Variants in FBXO11 observed in about 807,000 individuals in gnomAD.
FBXO11 encodes F-box protein 11.
Under a neutral mutation model 117.0 loss-of-function variants are expected in FBXO11, and 13 were observed. The ratio of observed to expected loss-of-function variants is 0.11; its 90% CI spans 0.07 to 0.18. The LOEUF is 0.18. FBXO11 is among the 10% of genes least tolerant of loss of function. The pLI is 1.00. For missense variants in FBXO11, 767 were observed against 1,164.4 expected (o/e 0.66, Z 4.97); for synonymous variants, 490 against 380.5 (o/e 1.29, Z -3.35).
chr2:47,837,372 C>G (rs1374868836), intron 4 of FBXO11, among the ~76,000 whole-genome samples: 1 of 152,002 alleles, frequency 6.6e-6, no homozygotes, highest in Non-Finnish European at 1.5e-5. Context: ...ACTAAAAATA[C>G]AAAAAATAGC....
In FBXO11 at chr2:47,807,664, T is replaced by TG. The variant is rs1670317085; in HGVS notation, c.*453dup. On this transcript the variant is annotated 3_prime_UTR_variant, in exon 23 of 23. Coordinates refer to ENST00000403359, the MANE Select transcript of FBXO11 (RefSeq NM_001190274.2). ...AATCATATTTCTCAATCTGAATACA[T>TG]GTTAAAAAAAAAAAATCAAAAGGAA... is the stretch of plus-strand genomic sequence containing the variant. 6.2e-6 allele frequency: 1 copy of TG among 160,550 alleles called. No individual in the cohort carries two copies. The highest frequency in any genetic ancestry group is 2.7e-4 in the South Asian group (1 of 3,722). 9.9% of individuals were successfully genotyped at this position (160,550 alleles called of 1,614,324 possible).
At chr2:47,823,382 T>G (rs1172249384) in intron 11 of FBXO11, 22 bp from the exon 12 acceptor site, 1 of 1,538,292 alleles carries the variant, frequency 6.5e-7, no homozygotes, top group Admixed American at 1.9e-5. Flanking sequence ...AGAAATTAAA[T>G]CTGTAGGTAA....
chr2:47,829,823 G>A (rs1378216551), intron 11 of FBXO11, among the ~76,000 whole-genome samples: 4 of 152,144 alleles, frequency 2.6e-5, no homozygotes, highest in African/African-American at 9.7e-5. Context: ...TAAAACGTAT[G>A]AGGTATACAT....
chr2:47,814,083 T>C (rs1289706690), intron 16 of FBXO11: 1 of 456,498 alleles, frequency 2.2e-6, no homozygotes, highest in Admixed American at 3.8e-5. Flanking sequence ...ATTGTAGAGT[T>C]TCCTAACATG....
intron 1 of FBXO11, chr2:47,888,636 G>C (rs1412524332): frequency 1.0e-6 from 1 of 976,774 alleles, no homozygotes; most frequent in Non-Finnish European, 1.2e-6. Context: ...TTTTAGGCTT[G>C]TTCTTCTTTG....
At chr2:47,860,534 C>T (rs1224181660) in intron 1 of FBXO11, among the ~76,000 whole-genome samples, 6 of 151,462 alleles carry the variant, frequency 4.0e-5, no homozygotes, top group Non-Finnish European at 8.8e-5. Context: ...CCTTAGCATC[C>T]CAAGTAGCTG....
intron 1 of FBXO11, among the ~76,000 whole-genome samples, chr2:47,880,466 C>A (rs1676354601): frequency 6.6e-6 from 1 of 151,996 alleles, no homozygotes; most frequent in African/African-American, 2.4e-5. Context: ...TGGCTCCTTT[C>A]TTGTTTACTT....
At chr2:47,831,145 A>C (rs907413976) in intron 11 of FBXO11, among the ~76,000 whole-genome samples, 10 of 149,630 alleles carry the variant, frequency 6.7e-5, no homozygotes, top group Non-Finnish European at 1.5e-4. Flanking sequence ...GGCCAGGCGC[A>C]GTGGCTCATG....
chr2:47,841,458 C>G (rs543609319), intron 1 of FBXO11, among the ~76,000 whole-genome samples: 45 of 152,260 alleles, frequency 3.0e-4, no homozygotes, highest in African/African-American at 1.0e-3. Context: ...GTGTATATAT[C>G]TCCTATACCA....
rs187173324 is a variant in FBXO11 at position 47,894,297 on chromosome 2, A to C, written c.232+11192T>G. On this transcript the variant is annotated intron_variant, in intron 1 of 22. Transcript: ENST00000403359. ...CCCCATTTTTCTGTGAAAGTTTCAC[A>C]ATTTTAAAATAAGCTTATTGTAAGA... 5.3e-4 allele frequency among the ~76,000 whole-genome samples: 81 copies of C among 152,358 alleles called. No individual in the cohort carries two copies. In the South Asian group the frequency reaches 9.5e-3, roughly 18 times the overall value.
At chr2:47,873,448 G>C (rs1378256542) in intron 1 of FBXO11, among the ~76,000 whole-genome samples, 1 of 152,210 alleles carries the variant, frequency 6.6e-6, no homozygotes, top group Admixed American at 6.5e-5. Context: ...GGCCCTCAAA[G>C]GCACCTGTGT....
chr2:47,821,763 C>A (rs1671406444), intron 13 of FBXO11, among the ~76,000 whole-genome samples: 1 of 152,156 alleles, frequency 6.6e-6, no homozygotes. Context: ...CCAGCCTAGG[C>A]AACAGAGTGA....
intron 1 of FBXO11, among the ~76,000 whole-genome samples, chr2:47,853,988 G>A (rs1558444115): frequency 6.6e-6 from 1 of 152,182 alleles, no homozygotes; most frequent in Non-Finnish European, 1.5e-5. Flanking sequence ...GCCAAGTGCT[G>A]ACCACAGATA....
rs1395372327 is a variant in FBXO11, at chr2:47,815,172, C to T, written c.2007-1305G>A. ...TTTTTTTTTGTCCTGGCCATAAAAA[C>T]GTTTATTTTTGTATTTAGGTTTGAT... is the stretch of plus-strand genomic sequence containing the variant. On this transcript the variant is annotated intron_variant, in intron 16 of 22. Coordinates refer to ENST00000403359, the MANE Select transcript of FBXO11 (RefSeq NM_001190274.2). Among the ~76,000 whole-genome samples, 5 of 152,036 alleles carry T rather than the reference C, an allele frequency of 3.3e-5. No individual in the cohort carries two copies. In the South Asian group the frequency reaches 8.3e-4, roughly 25 times the overall value.
intron 1 of FBXO11, among the ~76,000 whole-genome samples, chr2:47,845,521 G>A (rs1280034398): frequency 2.6e-5 from 4 of 152,146 alleles, no homozygotes; most frequent in Non-Finnish European, 5.9e-5. Context: ...AGATAAGTTG[G>A]CTACTACTGT....
chr2:47,861,393 A>T (rs1315163767), intron 1 of FBXO11, among the ~76,000 whole-genome samples: 1 of 147,932 alleles, frequency 6.8e-6, no homozygotes, highest in East Asian at 2.0e-4. Flanking sequence ...ATCATGGCTC[A>T]CTGCAGCCTC....
At chr2:47,852,553 A>G (rs1455787918) in intron 1 of FBXO11, among the ~76,000 whole-genome samples, 2 of 152,228 alleles carry the variant, frequency 1.3e-5, no homozygotes, top group African/African-American at 4.8e-5. Flanking sequence ...TGGTAGCAAA[A>G]TAATTTTTAA....
chr2:47,896,713 A>G (rs1007617484), intron 1 of FBXO11, among the ~76,000 whole-genome samples: 1 of 152,224 alleles, frequency 6.6e-6, no homozygotes, highest in Non-Finnish European at 1.5e-5. Flanking sequence ...TCTCTTAAAA[A>G]TGCAAATGTC....
At chr2:47,836,507 T>TAC (rs1033211964) in intron 4 of FBXO11, among the ~76,000 whole-genome samples, 8 of 152,058 alleles carry the variant, frequency 5.3e-5, no homozygotes, top group Non-Finnish European at 7.4e-5. Context: ...TAGCTGGAAC[T>TAC]ACAGGCACAT....
Sources: gnomAD v4.1 joint callset for allele counts (sites outside exome capture counted in the v4.1 genomes callset) on GRCh38, gnomAD v4.1.1 for gene constraint, MANE v1.5 for transcripts, NCBI Gene and HGNC (gene_info 2026-07-23, HGNC 2026-07-21) for gene names.